The following TRPV3 variants were observed in gnomAD, a reference collection of about 807,000 sequenced individuals.
The protein encoded by TRPV3 is VRL-3.
In TRPV3, 88 loss-of-function variants were observed where a neutral mutation model predicts 87.1. The ratio of observed to expected loss-of-function variants is 1.01; its 90% CI spans 0.85 to 1.21. TRPV3 has a LOEUF of 1.21. Ranked by LOEUF, TRPV3 falls within the 50% of genes most tolerant of loss-of-function variation. The pLI is 0.00. For missense variants in TRPV3, 1,054 were observed against 1,030.1 expected, an observed-to-expected ratio of 1.02 and a Z score of -0.32; for synonymous variants, 438 against 423.3, an observed-to-expected ratio of 1.03 and a Z score of -0.43.
intron 11 of TRPV3, 134 bp downstream of exon 11, chr17:3,527,891 A>G (rs2074313780): frequency 1.4e-6 from 1 of 693,918 alleles, no homozygotes; most frequent in African/African-American, 1.8e-5. Flanking sequence ...CCATGTTATA[A>G]CTCAGAAAGG....
At chr17:3,538,517 A>T (rs1428937339) in intron 6 of TRPV3, among the ~76,000 whole-genome samples, 1 of 151,850 alleles carries the variant, frequency 6.6e-6, no homozygotes, top group South Asian at 2.1e-4. Flanking sequence ...TTGTGGGGAG[A>T]GAGTAAATGA....
chr17:3,557,754 A>T lies in TRPV3; in HGVS notation c.-81T>A, dbSNP rs2074647101. On this transcript the variant is annotated 5_prime_UTR_variant, in exon 1 of 18. Transcript: ENST00000576742. This position sits in a 1 kb window ranked among gnomAD's most constrained non-coding sequence, Gnocchi z 4.5. ...CTGGGGCCCAAGGCCCCCGGGTGGG[A>T]CTGTGGCTGAGGCGGCGGGAAGCTC... 1 of 152,320 alleles carries T rather than the reference A, an allele frequency of 6.6e-6. No individual in the cohort carries two copies. The highest frequency in any genetic ancestry group is 1.9e-4 in the East Asian group (1 of 5,194). 9.4% of individuals were successfully genotyped at this position (152,320 alleles called of 1,614,324 possible).
chr17:3,527,960 A>G (rs1597475216), intron 11 of TRPV3, 65 bp downstream of exon 11: 1 of 1,233,170 alleles, frequency 8.1e-7, no homozygotes, highest in South Asian at 1.2e-5. Flanking sequence ...CAGAGCAGAG[A>G]GGGATGGAGG....
In TRPV3 at chr17:3,545,284, G is replaced by A. The variant is rs750489212; in HGVS notation, c.120-13C>T. Reference sequence around the variant, plus strand: ...GAAGAAGTGTGCACTGAGGGAACACGGAGGAAGCCTGTTAGGGCCGAGCCA... The same window carrying A: ...GAAGAAGTGTGCACTGAGGGAACACAGAGGAAGCCTGTTAGGGCCGAGCCA... On this transcript the variant is annotated splice_polypyrimidine_tract_variant and intron_variant, in intron 2 of 17. Transcript: ENST00000576742. 4.2e-5 allele frequency: 67 copies of A among 1,597,270 alleles called. No individual in the cohort carries two copies. In the South Asian group the frequency reaches 5.0e-4, roughly 12 times the overall value.
intron 3 of TRPV3, among the ~76,000 whole-genome samples, 163 bp from the exon 4 acceptor site, chr17:3,544,828 T>G (rs1349080335): frequency 2.0e-5 from 3 of 152,056 alleles, no homozygotes; most frequent in African/African-American, 7.2e-5. Context: ...GAAACTAAAC[T>G]GTCTCTACTA....
At position 3,528,333 on chromosome 17, in the gene TRPV3, C is replaced by T. The variant is rs566250171; in HGVS notation, c.1402-207G>A. The stretch of plus-strand genomic sequence containing the variant: ...TTGATGGAAACCCAGAACTCTACAA[C>T]GAAGAATATCATCCAATCCGTGCTA... On this transcript the variant is annotated intron_variant, in intron 10 of 17. Transcript: ENST00000576742. This position sits in a 1 kb window ranked among gnomAD's most constrained non-coding sequence, Gnocchi z 4.2. Among the ~76,000 whole-genome samples, 2 of 152,182 alleles carry T rather than the reference C, an allele frequency of 1.3e-5. No homozygotes were observed. Among genetic ancestry groups the T allele is most frequent in the Non-Finnish European group, 2.9e-5 (2 of 68,026 alleles).
chr17:3,519,421 A>AC (rs2074214187), intron 14 of TRPV3, among the ~76,000 whole-genome samples: 1 of 46,508 alleles, frequency 2.2e-5, no homozygotes, highest in African/African-American at 1.2e-4. Context: ...TGGATGGATG[A>AC]TTGGATGGAT....
intron 6 of TRPV3, among the ~76,000 whole-genome samples, chr17:3,538,054 C>T (rs562248262): frequency 4.0e-5 from 6 of 151,574 alleles, no homozygotes; most frequent in Non-Finnish European, 8.8e-5. Flanking sequence ...AAAAATTAGG[C>T]GGGCGTGATG....
At position 3,513,664 on chromosome 17, in the gene TRPV3, T is replaced by C; in HGVS notation, c.*253A>G. On this transcript the variant is annotated 3_prime_UTR_variant, in exon 18 of 18. Transcript: ENST00000576742. ...CCGGGACTTCAGGAGGCTCCCAGGC[T>C]CCAGACTGCTGCTGGCTGTAGGTTT... 2.5e-6 allele frequency: 1 copy of C among 404,296 alleles called. No homozygotes were observed. The highest frequency in any genetic ancestry group is 4.4e-6 in the Non-Finnish European group (1 of 226,774). 25.0% of individuals were successfully genotyped at this position (404,296 alleles called of 1,614,324 possible).
Position 3,532,710 on chromosome 17 carries a change from T to C in TRPV3, c.1012A>G (p.Asn338Asp), listed in dbSNP as rs539394835. Residue 338 changes from asparagine (N) to aspartate (D), a missense_variant, in exon 8 of 18, where the codon AAC (asparagine) becomes GAC (aspartate). Asn to Asp is a conservative substitution (Grantham distance 23). Coordinates refer to ENST00000576742, the MANE Select transcript of TRPV3 (RefSeq NM_145068.4). ...TGCAGCGGCGTGAGGCCATCGTTGTTGCGAGTGGTCTCCAGCTCCCAGTTG... is the reference window on the plus strand; with the variant it reads ...TGCAGCGGCGTGAGGCCATCGTTGTCGCGAGTGGTCTCCAGCTCCCAGTTG... Reference protein sequence around the residue: ...SGNWELETTRNNDGLTPLQLA... With the variant: ...SGNWELETTRDNDGLTPLQLA... The C allele has an allele frequency of 1.2e-6, 2 of 1,614,250 alleles. No homozygotes were observed. The highest frequency in any genetic ancestry group is 1.7e-6 in the Non-Finnish European group (2 of 1,180,038).
intron 7 of TRPV3, among the ~76,000 whole-genome samples, chr17:3,533,659 C>T (rs920826225): frequency 3.9e-5 from 6 of 152,170 alleles, no homozygotes; most frequent in East Asian, 1.9e-4. Flanking sequence ...CCACCACGCC[C>T]GGCTAATTTT....
chr17:3,518,741 A>T lies in TRPV3; in HGVS notation c.1920T>A (p.Gly640=). The T allele has an allele frequency of 6.2e-7, 1 of 1,613,860 alleles. No individual in the cohort carries two copies. Among genetic ancestry groups the T allele is most frequent in the Non-Finnish European group, 8.5e-7 (1 of 1,179,908 alleles). ...LELFKLTIGL[G]DLNIQQNSKY... Reference sequence around the variant, plus strand: ...TGGAGTTCTGCTGGATGTTCAGGTCACCCAGGCCTATGGTGAGCTTGAAGA... The same window carrying T: ...TGGAGTTCTGCTGGATGTTCAGGTCTCCCAGGCCTATGGTGAGCTTGAAGA... The change falls in exon 15 of 18, where the codon GGT becomes GGA. Residue 640 remains glycine, a synonymous_variant. Transcript: ENST00000576742. The surrounding 1 kb of genome is among the most constrained non-coding windows in gnomAD (Gnocchi z 4.3).
At chr17:3,546,045 G>A (rs1163612081) in intron 2 of TRPV3, among the ~76,000 whole-genome samples, 1 of 151,816 alleles carries the variant, frequency 6.6e-6, no homozygotes, top group Non-Finnish European at 1.5e-5. Context: ...GTTCTTGTGA[G>A]GCTTCGATTC....
chr17:3,551,659 T>C (rs549802111), intron 2 of TRPV3, among the ~76,000 whole-genome samples: 7 of 124,696 alleles, frequency 5.6e-5, no homozygotes, highest in Non-Finnish European at 1.4e-4. Flanking sequence ...CCTCCATCAG[T>C]CTGTATCTCT....
chr17:3,528,012 GT>G lies in TRPV3; in HGVS notation c.1503+12del, dbSNP rs761988883. On this transcript the variant is annotated intron_variant, in intron 11 of 17. Transcript: ENST00000576742. The surrounding 1 kb of genome is among the most constrained non-coding windows in gnomAD (Gnocchi z 4.2). ...TCGCGGGGCGGTCTGGAAGGGCCGG[GT>G]GGCCCACTTACCTCTTTCACAGAGA... 3.3e-5 allele frequency: 53 copies of G among 1,602,228 alleles called. 2 individuals carry two copies. The South Asian group carries it at 5.7e-4, about 17-fold the overall frequency.
Position 3,530,253 on chromosome 17 carries a change from C to A in TRPV3, c.1066-50G>T. The A allele has an allele frequency of 1.3e-6, 2 of 1,566,742 alleles. No individual in the cohort carries two copies. Among genetic ancestry groups the A allele is most frequent in the South Asian group, 1.2e-5 (1 of 82,214 alleles). ...TCAGCTGCAGAACAGGGGCTTAAGG[C>A]CAACAGGGCTGGACCAGCCAGAGGC... On this transcript the variant is annotated intron_variant, in intron 8 of 17. Coordinates refer to ENST00000576742, the MANE Select transcript of TRPV3 (RefSeq NM_145068.4). The surrounding 1 kb of genome is among the most constrained non-coding windows in gnomAD (Gnocchi z 4.0).
At chr17:3,537,408 T>C (rs2074417510) in intron 6 of TRPV3, among the ~76,000 whole-genome samples, 1 of 152,162 alleles carries the variant, frequency 6.6e-6, no homozygotes, top group Non-Finnish European at 1.5e-5. Context: ...ACGTGTGGAC[T>C]ACAGGCCTGC....
intron 4 of TRPV3, among the ~76,000 whole-genome samples, chr17:3,544,033 G>C (rs1376431091): frequency 6.6e-6 from 1 of 151,520 alleles, no homozygotes; most frequent in African/African-American, 2.4e-5. Flanking sequence ...ATTTGAGACA[G>C]AGTCTTGCTC....
Position 3,511,565 on chromosome 17 carries a change from C to T in TRPV3, c.*2352G>A, listed in dbSNP as rs4790503. On this transcript the variant is annotated 3_prime_UTR_variant, in exon 18 of 18. Transcript: ENST00000576742. ...CTTGGTAAACCTACCTAGGCTCAGA[C>T]GTTTTGGCTGAAAGCCTTTTGGGGT... 144,169 of 152,286 alleles carry T rather than the reference C, an allele frequency of 0.95. 68,733 individuals are homozygous for T. Among genetic ancestry groups the T allele is most frequent in the East Asian group, 1 (5,174 of 5,174 alleles). The allele number at this position is 152,286 out of a possible 1,614,324, so 9.4% of individuals were successfully genotyped here.
Sources: allele counts gnomAD v4.1 joint callset (sites outside exome capture counted in the v4.1 genomes callset), GRCh38; gene constraint gnomAD v4.1.1; non-coding constraint Gnocchi (gnomAD v3.1); transcripts MANE v1.5; gene names NCBI Gene and HGNC (gene_info 2026-07-23, HGNC 2026-07-21).